Variants in HLF observed in about 807,000 individuals in gnomAD.
HLF encodes hepatic leukemia factor.
A neutral mutation model predicts 22.6 loss-of-function variants in HLF; 3 were observed. The observed-to-expected ratio is 0.13, with a 90% CI of 0.06 to 0.34. HLF has a LOEUF of 0.34. Ranked by LOEUF, HLF falls within the 10% of genes least tolerant of loss-of-function variation. HLF has a pLI of 1.00. For synonymous variants in HLF, 151 were observed against 151.8 expected (o/e 0.99, Z 0.04); for missense variants, 299 against 389.2 (o/e 0.77, Z 1.95).
At chr17:55,313,542 A>G (rs930313930) in intron 2 of HLF, among the ~76,000 whole-genome samples, 1 of 152,132 alleles carries the variant, frequency 6.6e-6, no homozygotes, top group African/African-American at 2.4e-5. Flanking sequence ...TGCCTGTGTA[A>G]GAATGGGGAG....
chr17:55,269,708 G>A (rs1352780863), intron 2 of HLF, among the ~76,000 whole-genome samples: 3 of 151,890 alleles, frequency 2.0e-5, no homozygotes, highest in East Asian at 3.8e-4. Flanking sequence ...TTCTATTTGT[G>A]GAAGCAATTG....
chr17:55,266,802 T>C, intron 1 of HLF: 1 of 985,072 alleles, frequency 1.0e-6, no homozygotes, highest in Non-Finnish European at 1.2e-6. Flanking sequence ...AATACTAGAA[T>C]TGGCAAGATC....
rs376107423 is a variant in HLF, at chr17:55,324,276, C to T, written c.*3397C>T. 14 of 227,064 alleles carry T rather than the reference C, an allele frequency of 6.2e-5. No homozygotes were observed. The South Asian group carries it at 2.0e-3, about 33-fold the overall frequency. 14.1% of individuals were successfully genotyped at this position (227,064 alleles called of 1,614,324 possible). A position where few individuals can be genotyped will look rare whatever the true frequency, so the allele number is the denominator to read the frequency against. Reference sequence around the variant, plus strand: ...TAGACCACCCAGAGGTTCCTTCTAACCCACTGGTTTGGTGGGGAACTCACA... The same window carrying T: ...TAGACCACCCAGAGGTTCCTTCTAATCCACTGGTTTGGTGGGGAACTCACA... On this transcript the variant is annotated 3_prime_UTR_variant, in exon 4 of 4. Coordinates refer to ENST00000226067, the MANE Select transcript of HLF (RefSeq NM_002126.5).
At chr17:55,316,800 A>G (rs1426199746) in intron 3 of HLF, among the ~76,000 whole-genome samples, 1 of 152,134 alleles carries the variant, frequency 6.6e-6, no homozygotes, top group Non-Finnish European at 1.5e-5. Flanking sequence ...AGGAAATCAC[A>G]TGGTAAAAAC....
chr17:55,281,475 T>C (rs1228773613), intron 2 of HLF, among the ~76,000 whole-genome samples: 1 of 152,188 alleles, frequency 6.6e-6, no homozygotes, highest in Non-Finnish European at 1.5e-5. Context: ...ATCGTGCCAT[T>C]GCGCTCCAGC....
chr17:55,300,820 T>A lies in HLF; in HGVS notation c.452-14407T>A, dbSNP rs1299764049. ...ACAACAATCTTTCTGAAACGAGTCATCTGATCAAGTGAGTCCTTTGCTCTA... is the reference window on the plus strand; with the variant it reads ...ACAACAATCTTTCTGAAACGAGTCAACTGATCAAGTGAGTCCTTTGCTCTA... On this transcript the variant is annotated intron_variant, in intron 2 of 3. Transcript: ENST00000226067. Among the ~76,000 whole-genome samples, 5 of 152,208 alleles carry A rather than the reference T, an allele frequency of 3.3e-5. No homozygotes were observed. In the East Asian group the frequency reaches 9.6e-4, roughly 29 times the overall value.
intron 2 of HLF, among the ~76,000 whole-genome samples, chr17:55,284,289 G>A (rs2080981114): frequency 1.3e-5 from 2 of 152,206 alleles, no homozygotes; most frequent in Admixed American, 1.3e-4. Context: ...GTGTGACAAG[G>A]ACTTGATCCA....
Position 55,320,905 on chromosome 17 carries a change from G to C in HLF, c.*26G>C, listed in dbSNP as rs765697022. 6.4e-7 allele frequency: 1 copy of C among 1,558,258 alleles called. No individual in the cohort carries two copies. Among genetic ancestry groups the C allele is most frequent in the Non-Finnish European group, 8.8e-7 (1 of 1,138,626 alleles). On this transcript the variant is annotated 3_prime_UTR_variant, in exon 4 of 4. Coordinates refer to ENST00000226067, the MANE Select transcript of HLF (RefSeq NM_002126.5). The surrounding 1 kb of genome is among the most constrained non-coding windows in gnomAD (Gnocchi z 4.2). ...GATGGCATTTTTGCAGGCTGGCTTT[G>C]GAATAGATGGACAGTTTGTTTCCTG... is the stretch of plus-strand genomic sequence containing the variant.
intron 1 of HLF, 93 bp downstream of exon 1, chr17:55,265,692 C>G (rs2080781223): frequency 9.2e-7 from 1 of 1,092,258 alleles, no homozygotes; most frequent in South Asian, 1.7e-5. Context: ...TCCCCCAACC[C>G]CGCTCCCGCC....
rs548729805 is a variant in HLF, at chr17:55,276,022, C to T, written c.451+7936C>T. 3.4e-4 allele frequency among the ~76,000 whole-genome samples: 51 copies of T among 152,234 alleles called. 1 individual carries two copies. Among genetic ancestry groups the T allele is most frequent in the African/African-American group, 1.1e-3 (47 of 41,544 alleles). The stretch of plus-strand genomic sequence containing the variant: ...ACTTGGGAGGCTGAGGCAAGAGGAT[C>T]GCCTGAGCCCAGGAGTTCGAGGCTG... On this transcript the variant is annotated intron_variant, in intron 2 of 3. Coordinates refer to ENST00000226067, the MANE Select transcript of HLF (RefSeq NM_002126.5).
chr17:55,304,208 A>G lies in HLF; in HGVS notation c.452-11019A>G, dbSNP rs141194814. On this transcript the variant is annotated intron_variant, in intron 2 of 3. Transcript: ENST00000226067. ...CTTGCCCTAAGGTACTGGCACAGCT[A>G]TCGGGTAGGAGGAGGCCAAGGTAGA... 3.9e-5 allele frequency among the ~76,000 whole-genome samples: 6 copies of G among 152,190 alleles called. 1 individual carries two copies. In the East Asian group the frequency reaches 1.2e-3, roughly 29 times the overall value.
At chr17:55,267,637 A>T in intron 1 of HLF, 114 bp from the exon 2 acceptor site, 1 of 693,608 alleles carries the variant, frequency 1.4e-6, no homozygotes, top group East Asian at 2.8e-5. Context: ...CCAGAGAAGG[A>T]CCCTGCCATT....
rs71361764 is a variant in HLF at position 55,277,274 on chromosome 17, T to TGTGCGC, written c.451+9189_451+9190insTGCGCG. ...GTGTGTGTGTGTGTGTGTGTGTGTG[T>TGTGCGC]GCGCGCGCATGTGTACGTGGGCATG... On this transcript the variant is annotated intron_variant, in intron 2 of 3. Coordinates refer to ENST00000226067, the MANE Select transcript of HLF (RefSeq NM_002126.5). Among the ~76,000 whole-genome samples the TGTGCGC allele has an allele frequency of 1.8e-3, 208 of 113,980 alleles. 1 individual carries two copies. The highest frequency in any genetic ancestry group is 3.7e-3 in the East Asian group (12 of 3,286). The allele number at this position is 113,980 out of a possible 152,430, so 74.8% of individuals were successfully genotyped here.
At chr17:55,310,648 T>C (rs1904788933) in intron 2 of HLF, among the ~76,000 whole-genome samples, 1 of 152,178 alleles carries the variant, frequency 6.6e-6, no homozygotes, top group South Asian at 2.1e-4. Flanking sequence ...TGAAAATTAT[T>C]AAAAAGAAAG....
At chr17:55,306,430 C>A (rs1238925277) in intron 2 of HLF, among the ~76,000 whole-genome samples, 3 of 151,986 alleles carry the variant, frequency 2.0e-5, no homozygotes, top group African/African-American at 7.3e-5. Context: ...TGGATAAGAG[C>A]CACTGAGATC....
At chr17:55,305,145 T>C (rs557697670) in intron 2 of HLF, among the ~76,000 whole-genome samples, 10 of 152,222 alleles carry the variant, frequency 6.6e-5, no homozygotes, top group Admixed American at 1.3e-4. Context: ...AGACACCCTG[T>C]CTGCCGGGAA....
At chr17:55,282,246 G>T (rs1253995609) in intron 2 of HLF, among the ~76,000 whole-genome samples, 1 of 152,150 alleles carries the variant, frequency 6.6e-6, no homozygotes, top group East Asian at 1.9e-4. Context: ...TAATATCTTT[G>T]GAGTCTTGCT....
chr17:55,288,299 C>T (rs537931981), intron 2 of HLF, among the ~76,000 whole-genome samples: 2 of 152,206 alleles, frequency 1.3e-5, no homozygotes, highest in Middle Eastern at 6.8e-3. Context: ...AGGCATGCAC[C>T]ACCATGCCCA....
intron 2 of HLF, among the ~76,000 whole-genome samples, chr17:55,303,978 G>T (rs1240440856): frequency 6.6e-6 from 1 of 151,894 alleles, no homozygotes. Flanking sequence ...GTAAGCTCAA[G>T]AATTTCTGTT....
Sources: gnomAD v4.1 joint callset for allele counts (sites outside exome capture counted in the v4.1 genomes callset) on GRCh38, gnomAD v4.1.1 for gene constraint, Gnocchi (gnomAD v3.1) non-coding constraint, MANE v1.5 for transcripts, NCBI Gene and HGNC (gene_info 2026-07-23, HGNC 2026-07-21) for gene names.